The following ALDH3B1 variants were observed in gnomAD, a reference collection of about 807,000 sequenced individuals.
The protein encoded by ALDH3B1 is aldehyde dehydrogenase 3 family member B1.
ALDH3B1 carries 37 observed loss-of-function variants against 46.2 expected under a neutral mutation model. That is an observed-to-expected ratio of 0.80 (90% confidence interval 0.62 to 1.05). The LOEUF (loss-of-function observed/expected upper bound fraction) is 1.05. Ranked by LOEUF, ALDH3B1 falls within the 50% of genes least tolerant of loss-of-function variation. ALDH3B1 has a pLI of 0.00. For synonymous variants in ALDH3B1, 283 were observed against 281.0 expected, an observed-to-expected ratio of 1.01 and a Z score of -0.07; for missense variants, 603 against 665.5, an observed-to-expected ratio of 0.91 and a Z score of 1.03.
At position 68,028,445 on chromosome 11, in the gene ALDH3B1, G is replaced by A. The variant is rs1854638545; in HGVS notation, c.*506G>A. The A allele has an allele frequency of 4.0e-6, 1 of 248,338 alleles. No homozygotes were observed. The highest frequency in any genetic ancestry group is 4.8e-5 in the Admixed American group (1 of 20,980). The allele number at this position is 248,338 out of a possible 1,614,324, so 15.4% of individuals were successfully genotyped here. ...TAATCCCAGCACTTTGGGAGGCCGA[G>A]GCAGGCGGATCACCTGAAATCAGGA... is the stretch of plus-strand genomic sequence containing the variant. On this transcript the variant is annotated 3_prime_UTR_variant, in exon 10 of 10. Transcript: ENST00000342456.
Position 68,015,307 on chromosome 11 carries a change from C to A in ALDH3B1, c.10C>A (p.Leu4Ile), listed in dbSNP as rs1353086059. 2 of 1,501,406 alleles carry A rather than the reference C, an allele frequency of 1.3e-6. No individual in the cohort carries two copies. Among genetic ancestry groups the A allele is most frequent in the Admixed American group, 2.1e-5 (1 of 47,728 alleles). The allele number at this position is 1,501,406 out of a possible 1,614,324, so 93.0% of individuals were successfully genotyped here. The change falls in exon 2 of 10, where the codon CTT (leucine) becomes ATT (isoleucine). Residue 4 changes from leucine (L) to isoleucine (I), a missense_variant. Transcript: ENST00000342456. The stretch of plus-strand genomic sequence containing the variant: ...CACCCCATCTGGCAGGATGGACCCC[C>A]TTGGGGACACGCTGCGGCGACTGCG... MDP[L>I]GDTLRRLREA...
At chr11:68,018,734 G>T in intron 3 of ALDH3B1, 39 bp from the exon 4 acceptor site, 1 of 1,550,058 alleles carries the variant, frequency 6.5e-7, no homozygotes, top group Non-Finnish European at 8.7e-7. Flanking sequence ...AGGGGCCGGG[G>T]TGCTGAGCAC....
intron 6 of ALDH3B1, among the ~76,000 whole-genome samples, chr11:68,020,514 C>A (rs1857465061): frequency 6.6e-6 from 1 of 152,238 alleles, no homozygotes; most frequent in Non-Finnish European, 1.5e-5. Flanking sequence ...GGATCACAGG[C>A]ATGAGCCACC....
chr11:68,022,874 C>T, intron 8 of ALDH3B1, 113 bp downstream of exon 8: 1 of 1,439,120 alleles, frequency 6.9e-7, no homozygotes, highest in East Asian at 2.3e-5. Flanking sequence ...GATGGTGGAC[C>T]TCTTGGCTCT....
chr11:68,019,880 C>A, intron 6 of ALDH3B1, 84 bp downstream of exon 6: 4 of 1,397,914 alleles, frequency 2.9e-6, no homozygotes, highest in Non-Finnish European at 4.0e-6. Context: ...TGGGAGTCCA[C>A]AGGGAGACTG....
Position 68,021,383 on chromosome 11 carries a change from G to A in ALDH3B1, c.563-102G>A, listed in dbSNP as rs1159103248. The A allele has an allele frequency of 1.1e-5, 16 of 1,503,456 alleles. No individual in the cohort carries two copies. The East Asian group carries it at 1.6e-4, about 15-fold the overall frequency. 93.1% of individuals were successfully genotyped at this position (1,503,456 alleles called of 1,614,324 possible). On this transcript the variant is annotated intron_variant, in intron 6 of 9. Transcript: ENST00000342456. The stretch of plus-strand genomic sequence containing the variant: ...AAAGGCCAGGCGAGGGCTGCTGCCC[G>A]CTGACTCCACCACCTCTCCAGGGAG...
intron 1 of ALDH3B1, among the ~76,000 whole-genome samples, chr11:68,014,312 C>T (rs1269112649): frequency 2.0e-5 from 3 of 152,160 alleles, no homozygotes; most frequent in East Asian, 1.9e-4. Context: ...GCCACTGTGA[C>T]AGTGGATGAG....
At chr11:68,019,658 C>T (rs1222848997) in intron 5 of ALDH3B1, 57 bp from the exon 6 acceptor site, 1 of 1,586,760 alleles carries the variant, frequency 6.3e-7, no homozygotes, top group East Asian at 2.2e-5. Context: ...GCGGGCTGCT[C>T]CCTTGTGTTC....
At chr11:68,022,490 T>A (rs1474462944) in intron 7 of ALDH3B1, 105 bp from the exon 8 acceptor site, 1 of 1,433,556 alleles carries the variant, frequency 7.0e-7, no homozygotes, top group Admixed American at 2.4e-5. Flanking sequence ...GACCTTGGGA[T>A]CCTGGCCTAG....
In ALDH3B1 at chr11:68,026,125, C is replaced by G. The variant is rs567254294; in HGVS notation, c.1216+17C>G. 2.2e-5 allele frequency: 34 copies of G among 1,577,238 alleles called. No homozygotes were observed. In the East Asian group the frequency reaches 6.0e-4, roughly 28 times the overall value. Reference sequence around the variant, plus strand: ...GAGGAGTGGGTAGGTGCCTGCTACCCTGCCCTTCTGTTACCATTTGGTCAA... The same window carrying G: ...GAGGAGTGGGTAGGTGCCTGCTACCGTGCCCTTCTGTTACCATTTGGTCAA... On this transcript the variant is annotated intron_variant, in intron 9 of 9. Transcript: ENST00000342456.
chr11:68,021,350 G>C, intron 6 of ALDH3B1, 135 bp from the exon 7 acceptor site: 1 of 1,345,708 alleles, frequency 7.4e-7, no homozygotes, highest in African/African-American at 1.5e-5. Flanking sequence ...TGGCAGTGAG[G>C]AACAAGGAAA....
At chr11:68,011,644 G>A (rs557173966) in intron 1 of ALDH3B1, among the ~76,000 whole-genome samples, 6 of 152,118 alleles carry the variant, frequency 3.9e-5, no homozygotes, top group Admixed American at 6.5e-5. Context: ...AGTGATCCCC[G>A]CCTTCTGGCT....
rs1857428811 is a variant in ALDH3B1 at position 68,019,212 on chromosome 11, T to C, written c.437T>C (p.Val146Ala). The C allele has an allele frequency of 1.2e-6, 2 of 1,613,520 alleles. No individual in the cohort carries two copies. Among genetic ancestry groups the C allele is most frequent in the Non-Finnish European group, 8.5e-7 (1 of 1,179,764 alleles). The stretch of plus-strand genomic sequence containing the variant: ...AAGCCATCGGAGATTAGCAAGAACG[T>C]CGAGAAGATCCTGGCCGAGGTGCTG... ...VLKPSEISKNVEKILAEVLPQ... is the reference protein window; with the variant it reads ...VLKPSEISKNAEKILAEVLPQ... Residue 146 changes from valine (V) to alanine (A), a missense_variant, in exon 5 of 10, where the codon GTC becomes GCC. Physicochemically the swap from Val to Ala is moderately conservative, Grantham distance 64. Coordinates refer to ENST00000342456, the MANE Select transcript of ALDH3B1 (RefSeq NM_000694.4).
chr11:68,012,718 C>T (rs1390282134), intron 1 of ALDH3B1, among the ~76,000 whole-genome samples: 1 of 152,238 alleles, frequency 6.6e-6, no homozygotes, highest in Non-Finnish European at 1.5e-5. Context: ...TCCACCCAGC[C>T]TTGGGTCTGC....
intron 1 of ALDH3B1, among the ~76,000 whole-genome samples, chr11:68,012,342 T>C (rs563068363): frequency 1.3e-5 from 2 of 152,252 alleles, no homozygotes; most frequent in Admixed American, 1.3e-4. Flanking sequence ...CACCTGAGTA[T>C]TGTTTTTAGA....
rs1410108320 is a variant in ALDH3B1 at position 68,019,756 on chromosome 11, GC to G, written c.523del (p.Gln175SerfsTer3). ...TGCTGGGCGGGCCCCAGGAGACGGG[GC>G]AGCTGCTAGAGCACAGGTTCGACTA... is the stretch of plus-strand genomic sequence containing the variant. ...VVLGGPQETG[Q>X]LLEHRFDYIF... On this transcript the variant is annotated frameshift_variant, in exon 6 of 10. Transcript: ENST00000342456. LOFTEE classifies it high-confidence loss of function. The G allele has an allele frequency of 6.2e-7, 1 of 1,614,078 alleles. No homozygotes were observed. Among genetic ancestry groups the G allele is most frequent in the African/African-American group, 1.3e-5 (1 of 74,950 alleles).
At chr11:68,027,199 C>T (rs951910473) in intron 9 of ALDH3B1, among the ~76,000 whole-genome samples, 3 of 152,132 alleles carry the variant, frequency 2.0e-5, no homozygotes, top group Admixed American at 6.5e-5. Context: ...CCACTCTCTT[C>T]GTCTTATTAA....
Position 68,025,919 on chromosome 11 carries a change from T to C in ALDH3B1, c.1117-90T>C, listed in dbSNP as rs1432064389. Reference sequence around the variant, plus strand: ...CAGACCCTTTCTGAGGCAAGATCAGTGTCACAGAGTCCAGCATGGAACAGG... The same window carrying C: ...CAGACCCTTTCTGAGGCAAGATCAGCGTCACAGAGTCCAGCATGGAACAGG... On this transcript the variant is annotated intron_variant, in intron 8 of 9. Coordinates refer to ENST00000342456, the MANE Select transcript of ALDH3B1 (RefSeq NM_000694.4). 1.4e-5 allele frequency: 13 copies of C among 905,370 alleles called. 1 individual carries two copies. In the East Asian group the frequency reaches 2.8e-4, roughly 20 times the overall value. 56.1% of individuals were successfully genotyped at this position (905,370 alleles called of 1,614,324 possible). A position where few individuals can be genotyped will look rare whatever the true frequency, so the allele number is the denominator to read the frequency against.
rs377444192 is a variant in ALDH3B1, at chr11:68,012,715, A to G, written c.-2+2323A>G. ...ACAGCTGGCCTACCGGAGTCCACCC[A>G]GCCTTGGGTCTGCCGTCCAGGCCCC... is the stretch of plus-strand genomic sequence containing the variant. On this transcript the variant is annotated intron_variant, in intron 1 of 9. Transcript: ENST00000342456. 4.0e-3 allele frequency among the ~76,000 whole-genome samples: 603 copies of G among 152,314 alleles called. 2 individuals are homozygous for G. Among genetic ancestry groups the G allele is most frequent in the African/African-American group, 0.013 (533 of 41,584 alleles).
Sources: gnomAD v4.1 joint callset for allele counts (sites outside exome capture counted in the v4.1 genomes callset) on GRCh38, gnomAD v4.1.1 for gene constraint, MANE v1.5 for transcripts, NCBI Gene and HGNC (gene_info 2026-07-23, HGNC 2026-07-21) for gene names.